ROR2: variants seen among roughly 807,000 people sequenced by gnomAD.
ROR2 encodes ROR family WNT receptor 2.
In ROR2, 33 loss-of-function variants were observed where a neutral mutation model predicts 74.9. That is an observed-to-expected ratio of 0.44 (90% CI 0.33 to 0.59). The LOEUF is 0.59. ROR2 is among the 20% of genes least tolerant of loss of function. ROR2 has a pLI of 0.02. For synonymous variants in ROR2, 586 were observed against 558.7 expected (o/e 1.05, Z -0.69); for missense variants, 1,216 against 1,313.8 (o/e 0.93, Z 1.15).
rs1424744617 is a variant in ROR2 at position 91,950,015 on chromosome 9, G to A, written c.-52C>T. On this transcript the variant is annotated 5_prime_UTR_variant, in exon 1 of 9. Transcript: ENST00000375708. ...CCTCAGAGCTTCGGGCCGGGGCGCG[G>A]GGTCGGGCGCCACCACCCCTTTCTA... 7 of 980,896 alleles carry A rather than the reference G, an allele frequency of 7.1e-6. No homozygotes were observed. The highest frequency in any genetic ancestry group is 4.5e-5 in the South Asian group (2 of 44,246). 60.8% of individuals were successfully genotyped at this position (980,896 alleles called of 1,614,324 possible).
chr9:91,887,516 C>T (rs1056032790), intron 1 of ROR2, among the ~76,000 whole-genome samples: 1 of 152,192 alleles, frequency 6.6e-6, no homozygotes, highest in Non-Finnish European at 1.5e-5. Context: ...AAATATATCA[C>T]AAGTTTTTTC....
At chr9:91,887,196 C>A (rs1287071616) in intron 1 of ROR2, 2 of 152,088 alleles carry the variant, frequency 1.3e-5, no homozygotes, top group Non-Finnish European at 2.9e-5. Flanking sequence ...AAGTTGCCAT[C>A]GGTTTTATAG....
chr9:91,762,919 A>G (rs1271590301), intron 2 of ROR2, among the ~76,000 whole-genome samples: 1 of 152,230 alleles, frequency 6.6e-6, no homozygotes, highest in Non-Finnish European at 1.5e-5. Flanking sequence ...TCCTGTGCAT[A>G]TACAAGAGTC....
chr9:91,769,791 C>T (rs1031564666), intron 2 of ROR2, among the ~76,000 whole-genome samples: 1 of 152,214 alleles, frequency 6.6e-6, no homozygotes. Flanking sequence ...ATCTGAGGTC[C>T]TCCTGTGGTT....
intron 1 of ROR2, among the ~76,000 whole-genome samples, chr9:91,912,258 A>G (rs1442424814): frequency 1.3e-5 from 2 of 152,224 alleles, no homozygotes; most frequent in Non-Finnish European, 2.9e-5. Flanking sequence ...CATTAAGGGA[A>G]GCCGAGTTAA....
chr9:91,749,061 G>A (rs2118803129), intron 4 of ROR2, among the ~76,000 whole-genome samples: 1 of 152,158 alleles, frequency 6.6e-6, no homozygotes, highest in South Asian at 2.1e-4. Flanking sequence ...AAAGCACACA[G>A]ACAACTTAAA....
At chr9:91,929,165 G>C (rs1232180452) in intron 1 of ROR2, among the ~76,000 whole-genome samples, 1 of 152,158 alleles carries the variant, frequency 6.6e-6, no homozygotes, top group Admixed American at 6.5e-5. Flanking sequence ...CAAAATAAAA[G>C]AGCGCTATGA....
chr9:91,817,387 T>C (rs1238961256), intron 1 of ROR2, among the ~76,000 whole-genome samples: 1 of 152,146 alleles, frequency 6.6e-6, no homozygotes, highest in Non-Finnish European at 1.5e-5. Flanking sequence ...CCACTGCAGG[T>C]GGCCGTGCAA....
intron 1 of ROR2, among the ~76,000 whole-genome samples, chr9:91,855,967 T>C (rs1829270709): frequency 6.6e-6 from 1 of 151,974 alleles, no homozygotes; most frequent in Non-Finnish European, 1.5e-5. Context: ...AATAAACAGG[T>C]TCCAGAGGTT....
chr9:91,859,993 C>T (rs932705706), intron 1 of ROR2, among the ~76,000 whole-genome samples: 1 of 152,162 alleles, frequency 6.6e-6, no homozygotes, highest in Non-Finnish European at 1.5e-5. Context: ...GACGCTGCTC[C>T]GGATGAGTAA....
chr9:91,757,769 A>G (rs1249096296), intron 2 of ROR2, among the ~76,000 whole-genome samples: 1 of 152,162 alleles, frequency 6.6e-6, no homozygotes, highest in Non-Finnish European at 1.5e-5. Context: ...TGGGAAATAC[A>G]GAGTCAAATT....
rs770797925 is a variant in ROR2, at chr9:91,723,755, CTCT to C, written c.2736_2738del (p.Glu917del). On this transcript the variant is annotated inframe_deletion, in exon 9 of 9. Coordinates refer to ENST00000375708, the MANE Select transcript of ROR2 (RefSeq NM_004560.4). The stretch of plus-strand genomic sequence containing the variant: ...CTGGGACAGAGCCTTCCTCCTCCTC[CTCT>C]GCTTCCTGCACGGTGCTCTGGGCCC... The C allele has an allele frequency of 6.2e-7, 1 of 1,613,858 alleles. No homozygotes were observed. The highest frequency in any genetic ancestry group is 2.2e-5 in the East Asian group (1 of 44,884).
chr9:91,883,473 G>A (rs1271612798), intron 1 of ROR2: 1 of 152,120 alleles, frequency 6.6e-6, no homozygotes, highest in Non-Finnish European at 1.5e-5. Flanking sequence ...AGCCACATGG[G>A]GCCCTTTACA....
Position 91,723,578 on chromosome 9 carries a change from G to C in ROR2, c.*84C>G. On this transcript the variant is annotated 3_prime_UTR_variant, in exon 9 of 9. Coordinates refer to ENST00000375708, the MANE Select transcript of ROR2 (RefSeq NM_004560.4). ...GCCGGCGGGCTCTTGTGATTGCTGA[G>C]TATGGTGTCTTCTCAAAGGTGACTG... The C allele has an allele frequency of 6.4e-7, 1 of 1,562,182 alleles. No homozygotes were observed. Among genetic ancestry groups the C allele is most frequent in the Non-Finnish European group, 8.7e-7 (1 of 1,155,648 alleles).
rs1554681707 is a variant in ROR2 at position 91,839,275 on chromosome 9, T to TGTGTAAGTACAGGC, written c.98-63458_98-63457insGCCTGTACTTACAC. Among the ~76,000 whole-genome samples the TGTGTAAGTACAGGC allele has an allele frequency of 8.9e-3, 1,300 of 145,962 alleles. 18 individuals are homozygous for TGTGTAAGTACAGGC. The highest frequency in any genetic ancestry group is 0.03 in the African/African-American group (1,148 of 38,626). On this transcript the variant is annotated intron_variant, in intron 1 of 8. Coordinates refer to ENST00000375708, the MANE Select transcript of ROR2 (RefSeq NM_004560.4). ...GGGTGTGTGTGTGTGTGTGTGTGTG[T>TGTGTAAGTACAGGC]GTGTGTGTGTGTGTGTGTGTAAGTA...
chr9:91,838,446 C>T (rs1347804604), intron 1 of ROR2, among the ~76,000 whole-genome samples: 1 of 152,204 alleles, frequency 6.6e-6, no homozygotes, highest in Non-Finnish European at 1.5e-5. Flanking sequence ...CCAGTCATGC[C>T]ACGCCTGGTC....
At chr9:91,891,243 T>C (rs939680464) in intron 1 of ROR2, among the ~76,000 whole-genome samples, 1 of 144,818 alleles carries the variant, frequency 6.9e-6, no homozygotes, top group Non-Finnish European at 1.5e-5. Context: ...TCAGCAGGGC[T>C]GTTCCTTTCT....
At chr9:91,871,856 C>T (rs1829808705) in intron 1 of ROR2, among the ~76,000 whole-genome samples, 1 of 152,158 alleles carries the variant, frequency 6.6e-6, no homozygotes, top group Non-Finnish European at 1.5e-5. Flanking sequence ...CAGCACCCAA[C>T]AGCACCACCA....
chr9:91,775,932 A>C, intron 1 of ROR2, 114 bp from the exon 2 acceptor site: 1 of 824,116 alleles, frequency 1.2e-6, no homozygotes, highest in Admixed American at 2.0e-5. Flanking sequence ...TATTTGTAGA[A>C]AACACAGAGG....
Sources: gnomAD v4.1 joint callset for allele counts (sites outside exome capture counted in the v4.1 genomes callset) on GRCh38, gnomAD v4.1.1 for gene constraint, MANE v1.5 for transcripts, NCBI Gene and HGNC (gene_info 2026-07-23, HGNC 2026-07-21) for gene names.